Variants in CAMKMT observed in about 807,000 individuals in gnomAD.
CAMKMT encodes the protein CaM KMT.
Under a neutral mutation model 48.0 loss-of-function variants are expected in CAMKMT, and 53 were observed. That is an observed-to-expected ratio of 1.10 (90% CI 0.89 to 1.39). The LOEUF (loss-of-function observed/expected upper bound fraction) is 1.39. CAMKMT is among the 40% of genes most tolerant of loss of function. CAMKMT has a pLI of 0.00. For missense variants in CAMKMT, 428 were observed against 402.7 expected (o/e 1.06, Z -0.54); for synonymous variants, 165 against 152.3 (o/e 1.08, Z -0.61).
intron 3 of CAMKMT, among the ~76,000 whole-genome samples, chr2:44,633,341 A>T (rs1558759388): frequency 6.6e-6 from 1 of 152,118 alleles, no homozygotes; most frequent in Non-Finnish European, 1.5e-5. Flanking sequence ...TTTTGGGCTT[A>T]TTCCTTTGAA....
chr2:44,631,378 C>T, intron 3 of CAMKMT: 1 of 409,204 alleles, frequency 2.4e-6, no homozygotes, highest in Non-Finnish European at 4.2e-6. Flanking sequence ...GCACATGTAC[C>T]CTAAAACTTA....
intron 3 of CAMKMT, among the ~76,000 whole-genome samples, chr2:44,529,081 G>C (rs1276119215): frequency 2.0e-5 from 3 of 152,122 alleles, no homozygotes; most frequent in Non-Finnish European, 2.9e-5. Flanking sequence ...GGTATAGTTT[G>C]TATAGAAAAG....
chr2:44,621,413 AG>A (rs1446560956), intron 3 of CAMKMT, among the ~76,000 whole-genome samples: 1 of 152,138 alleles, frequency 6.6e-6, no homozygotes, highest in Non-Finnish European at 1.5e-5. Context: ...GTAAGATACA[AG>A]AAAGGGATGG....
At chr2:44,732,293 T>G (rs1282701489) in intron 7 of CAMKMT, among the ~76,000 whole-genome samples, 1 of 152,222 alleles carries the variant, frequency 6.6e-6, no homozygotes, top group Non-Finnish European at 1.5e-5. Context: ...TAATGATTAT[T>G]GATTTTGTAA....
intron 3 of CAMKMT, among the ~76,000 whole-genome samples, chr2:44,632,435 A>T (rs1173476777): frequency 6.6e-6 from 1 of 152,190 alleles, no homozygotes; most frequent in Non-Finnish European, 1.5e-5. Flanking sequence ...TATGTATTTG[A>T]GGTTTACAAC....
At chr2:44,365,173 G>A (rs532092025) in intron 1 of CAMKMT, among the ~76,000 whole-genome samples, 31 of 152,126 alleles carry the variant, frequency 2.0e-4, no homozygotes, top group Non-Finnish European at 2.6e-4. Flanking sequence ...TCCTTTTCTC[G>A]CTCGTGGGAC....
At chr2:44,501,698 A>G (rs1670015146) in intron 3 of CAMKMT, among the ~76,000 whole-genome samples, 1 of 152,146 alleles carries the variant, frequency 6.6e-6, no homozygotes. Flanking sequence ...TGCAGTTCGA[A>G]TGTTTGAATT....
intron 3 of CAMKMT, among the ~76,000 whole-genome samples, chr2:44,392,846 C>T (rs1019371024): frequency 6.6e-6 from 1 of 151,768 alleles, no homozygotes; most frequent in Non-Finnish European, 1.5e-5. Context: ...GTTCATAAAT[C>T]ACCACCATGG....
intron 8 of CAMKMT, among the ~76,000 whole-genome samples, chr2:44,745,240 G>C (rs947855482): frequency 3.9e-5 from 6 of 152,172 alleles, no homozygotes; most frequent in African/African-American, 1.4e-4. Context: ...GTCTGGCCAG[G>C]AGATTTAGAG....
At chr2:44,738,385 A>G (rs999474145) in intron 7 of CAMKMT, among the ~76,000 whole-genome samples, 13 of 152,370 alleles carry the variant, frequency 8.5e-5, no homozygotes, top group Middle Eastern at 3.4e-3. Flanking sequence ...AAGCTAAATG[A>G]GGGCCTTGTT....
chr2:44,431,566 G>A (rs575484945), intron 3 of CAMKMT, among the ~76,000 whole-genome samples: 3 of 152,182 alleles, frequency 2.0e-5, no homozygotes, highest in African/African-American at 7.2e-5. Context: ...ATCTTGCTGT[G>A]TCACAGGCCT....
intron 3 of CAMKMT, among the ~76,000 whole-genome samples, chr2:44,593,763 CTTTTTTTTT>C (rs61603790): frequency 8.2e-6 from 1 of 122,698 alleles, no homozygotes; most frequent in African/African-American, 3.1e-5. Flanking sequence ...AGACAACTTC[CTTTTTTTTT>C]TTTTTTTTGA....
intron 3 of CAMKMT, chr2:44,393,573 T>C (rs1352321246): frequency 6.6e-6 from 1 of 152,224 alleles, no homozygotes; most frequent in East Asian, 1.9e-4. Flanking sequence ...GAGAACCTAC[T>C]TTCTTTTGAG....
chr2:44,403,477 A>G (rs765778029), intron 3 of CAMKMT, among the ~76,000 whole-genome samples: 5 of 152,158 alleles, frequency 3.3e-5, no homozygotes, highest in Non-Finnish European at 5.9e-5. Flanking sequence ...ATTTTCAACA[A>G]ATTCTTCTGT....
In CAMKMT at chr2:44,532,815, A is replaced by AAT. The variant is rs1318722493; in HGVS notation, c.376+142511_376+142512insTA. The stretch of plus-strand genomic sequence containing the variant: ...TCATGAAGGTAACTGTATGCCATTA[A>AAT]AGTTTTTTTTTTTTTTTGAGACAGA... On this transcript the variant is annotated intron_variant, in intron 3 of 10. Transcript: ENST00000378494. Among the ~76,000 whole-genome samples the AAT allele has an allele frequency of 3.5e-5, 5 of 144,108 alleles. No individual in the cohort carries two copies. The South Asian group carries it at 1.1e-3, about 32-fold the overall frequency. The allele number at this position is 144,108 out of a possible 152,430, so 94.5% of individuals were successfully genotyped here.
intron 1 of CAMKMT, among the ~76,000 whole-genome samples, chr2:44,367,254 A>G (rs1374933175): frequency 6.6e-6 from 1 of 152,158 alleles, no homozygotes; most frequent in African/African-American, 2.4e-5. Context: ...TATCCGAGAA[A>G]GGAAACCTGG....
intron 3 of CAMKMT, among the ~76,000 whole-genome samples, chr2:44,577,011 G>T (rs898446172): frequency 2.8e-4 from 42 of 152,178 alleles, no homozygotes; most frequent in Admixed American, 2.7e-3. Context: ...AAGAAATGCC[G>T]TTTCTTCAAA....
At chr2:44,375,733 T>C (rs181102335) in intron 2 of CAMKMT, among the ~76,000 whole-genome samples, 1 of 151,806 alleles carries the variant, frequency 6.6e-6, no homozygotes, top group Admixed American at 6.6e-5. Flanking sequence ...AGTCTTTAGC[T>C]GGAGGAATGA....
chr2:44,671,546 C>A (rs954812533), intron 3 of CAMKMT, among the ~76,000 whole-genome samples: 1 of 152,210 alleles, frequency 6.6e-6, no homozygotes, highest in Non-Finnish European at 1.5e-5. Flanking sequence ...GCAGTGGCCT[C>A]CACTCACCAT....
Sources: allele counts gnomAD v4.1 joint callset (sites outside exome capture counted in the v4.1 genomes callset), GRCh38; gene constraint gnomAD v4.1.1; transcripts MANE v1.5; gene names NCBI Gene and HGNC (gene_info 2026-07-23, HGNC 2026-07-21).